UNC79: variants seen among roughly 807,000 people sequenced by gnomAD.
The protein encoded by UNC79 is unc-79 subunit of NALCN channel complex.
A neutral mutation model predicts 283.1 loss-of-function variants in UNC79; 37 were observed. The observed-to-expected ratio is 0.13, with a 90% confidence interval of 0.10 to 0.17. The LOEUF is 0.17. Ranked by LOEUF, UNC79 falls within the 10% of genes least tolerant of loss-of-function variation. UNC79 has a pLI of 1.00. For synonymous variants in UNC79, 1,107 were observed against 1,200.2 expected, an observed-to-expected ratio of 0.92 and a Z score of 1.61; for missense variants, 2,272 against 3,211.1, an observed-to-expected ratio of 0.71 and a Z score of 7.07.
At chr14:93,524,804 T>C (rs981446697) in intron 8 of UNC79, among the ~76,000 whole-genome samples, 12 of 152,236 alleles carry the variant, frequency 7.9e-5, no homozygotes, top group African/African-American at 2.9e-4. Flanking sequence ...GGTATAATTT[T>C]TATATTATGA....
At chr14:93,387,265 C>G (rs1012183072) in intron 1 of UNC79, among the ~76,000 whole-genome samples, 6 of 151,958 alleles carry the variant, frequency 3.9e-5, no homozygotes, top group African/African-American at 1.4e-4. Context: ...TTTATTGTTT[C>G]TTTCTTCTAT....
chr14:93,465,979 A>G (rs1019496096), intron 1 of UNC79, among the ~76,000 whole-genome samples: 3 of 152,234 alleles, frequency 2.0e-5, no homozygotes, highest in African/African-American at 4.8e-5. Context: ...TTGAAATATA[A>G]TGAATAGCAG....
chr14:93,442,948 G>A (rs867544414), intron 1 of UNC79, among the ~76,000 whole-genome samples: 14 of 151,862 alleles, frequency 9.2e-5, no homozygotes, highest in Non-Finnish European at 2.1e-4. Flanking sequence ...AATTAGCAGG[G>A]CATAGTGGTG....
chr14:93,694,786 A>G (rs8014197), intron 47 of UNC79, among the ~76,000 whole-genome samples: 108,402 of 152,078 alleles, frequency 0.71, 39,238 homozygotes, highest in African/African-American at 0.81. Context: ...TAACACAAGT[A>G]CTGAAAATAT....
At chr14:93,544,287 G>T (rs1339469233) in intron 14 of UNC79, among the ~76,000 whole-genome samples, 1 of 152,158 alleles carries the variant, frequency 6.6e-6, no homozygotes, top group African/African-American at 2.4e-5. Flanking sequence ...AGAAATAAAA[G>T]ATTTATATAT....
intron 5 of UNC79, 136 bp downstream of exon 5, chr14:93,487,891 A>G: frequency 1.4e-6 from 1 of 720,514 alleles, no homozygotes; most frequent in Non-Finnish European, 2.1e-6. Context: ...TTGAGTTGGA[A>G]TCAATTTATC....
intron 40 of UNC79, among the ~76,000 whole-genome samples, chr14:93,668,774 G>A (rs2140551361): frequency 6.6e-6 from 1 of 151,102 alleles, no homozygotes; most frequent in East Asian, 1.9e-4. Flanking sequence ...GCCCCAGGAG[G>A]TAGAGGTTGC....
At chr14:93,366,383 T>C (rs1348815080) in intron 1 of UNC79, among the ~76,000 whole-genome samples, 1 of 152,168 alleles carries the variant, frequency 6.6e-6, no homozygotes, top group Non-Finnish European at 1.5e-5. Flanking sequence ...AGGTTCTTAA[T>C]GGGATGTATC....
chr14:93,425,088 T>C (rs535242229), intron 1 of UNC79, among the ~76,000 whole-genome samples: 2 of 152,084 alleles, frequency 1.3e-5, no homozygotes, highest in African/African-American at 4.8e-5. Flanking sequence ...TGAGACTGGG[T>C]AATTTATAAA....
At chr14:93,449,042 G>A (rs893235718) in intron 1 of UNC79, among the ~76,000 whole-genome samples, 3 of 152,186 alleles carry the variant, frequency 2.0e-5, no homozygotes, top group African/African-American at 7.2e-5. Flanking sequence ...TTCCTTTCGT[G>A]TCTTCCTGCA....
rs534203090 is a variant in UNC79, at chr14:93,573,734, C to T, written c.2070+918C>T. On this transcript the variant is annotated intron_variant, in intron 16 of 48. Coordinates refer to ENST00000555664, the Ensembl canonical transcript of UNC79. ...TAAAAAGTCAAAATTTGGACCAGCT[C>T]GGTAGCTCACACCTGTAATCCCAGA... 3.1e-3 allele frequency among the ~76,000 whole-genome samples: 478 copies of T among 152,270 alleles called. 2 individuals carry two copies. Among genetic ancestry groups the T allele is most frequent in the Middle Eastern group, 0.027 (8 of 294 alleles).
At chr14:93,622,104 T>G in exon 30 of UNC79, 2 of 1,614,046 alleles carry the variant, frequency 1.2e-6, no homozygotes, top group Non-Finnish European at 1.7e-6. Context: ...CACTCTATAC[T>G]CTCAACCTCC....
intron 4 of UNC79, among the ~76,000 whole-genome samples, chr14:93,477,942 T>C (rs1167643730): frequency 1.3e-5 from 2 of 152,160 alleles, no homozygotes; most frequent in African/African-American, 4.8e-5. Context: ...TTATTCAGAC[T>C]GTTTGATCTT....
chr14:93,513,159 G>GT (rs1165510071), intron 7 of UNC79, among the ~76,000 whole-genome samples: 2 of 151,152 alleles, frequency 1.3e-5, no homozygotes, highest in Non-Finnish European at 3.0e-5. Flanking sequence ...ACATATTTTT[G>GT]TTTTTTTGTT....
intron 14 of UNC79, among the ~76,000 whole-genome samples, chr14:93,567,733 C>G (rs1308277582): frequency 6.6e-6 from 1 of 152,108 alleles, no homozygotes; most frequent in Non-Finnish European, 1.5e-5. Flanking sequence ...TTGTGAACCC[C>G]GAATATCTGA....
rs559221988 is a variant in UNC79 at position 93,683,845 on chromosome 14, CA to C, written c.6819+1164del. Among the ~76,000 whole-genome samples, 240 of 133,250 alleles carry C rather than the reference CA, an allele frequency of 1.8e-3. 2 individuals are homozygous for C. The highest frequency in any genetic ancestry group is 0.01 in the East Asian group (47 of 4,676). The allele number at this position is 133,250 out of a possible 152,430, so 87.4% of individuals were successfully genotyped here. A position where few individuals can be genotyped will look rare whatever the true frequency, so the allele number is the denominator to read the frequency against. On this transcript the variant is annotated intron_variant, in intron 42 of 48. Coordinates refer to ENST00000555664, the Ensembl canonical transcript of UNC79. ...AGCCAATCAGCAGACTTTTCTGTCT[CA>C]AAAAAAAAAAAACACACACTTCATC...
At chr14:93,405,958 G>T (rs1802719787) in intron 1 of UNC79, among the ~76,000 whole-genome samples, 1 of 152,190 alleles carries the variant, frequency 6.6e-6, no homozygotes, top group African/African-American at 2.4e-5. Context: ...TCCAGGACTT[G>T]TGATTCCTGG....
chr14:93,404,493 A>AAAAAAAAAAAAAAATATAT lies in UNC79; in HGVS notation c.-350-63177_-350-63176insAAAAAAAAAAAAATATATA. On this transcript the variant is annotated intron_variant, in intron 1 of 49. Transcript: ENST00000256339. ...TGACAGAGTGAGACCTTCTAAAAAAAATATATATATATATATATATAAATA... is the reference window on the plus strand; with the variant it reads ...TGACAGAGTGAGACCTTCTAAAAAAAAAAAAAAAAAAAAATATATATATATATATATATATATATAAATA... Among the ~76,000 whole-genome samples, 3 of 61,500 alleles carry AAAAAAAAAAAAAAATATAT rather than the reference A, an allele frequency of 4.9e-5. No homozygotes were observed. The East Asian group carries it at 8.3e-4, about 17-fold the overall frequency. 40.3% of individuals were successfully genotyped at this position (61,500 alleles called of 152,430 possible).
chr14:93,607,473 G>A (rs2065966940), intron 26 of UNC79, among the ~76,000 whole-genome samples: 1 of 152,166 alleles, frequency 6.6e-6, no homozygotes, highest in Non-Finnish European at 1.5e-5. Flanking sequence ...GCATCCAAGG[G>A]ATTTGGCTTT....
Sources: gnomAD v4.1 joint callset for allele counts (sites outside exome capture counted in the v4.1 genomes callset) on GRCh38, gnomAD v4.1.1 for gene constraint, MANE v1.5 for transcripts, NCBI Gene and HGNC (gene_info 2026-07-23, HGNC 2026-07-21) for gene names.